TM9SF2: variants seen among roughly 807,000 people sequenced by gnomAD.
TM9SF2 encodes transmembrane 9 superfamily member 2.
TM9SF2 carries 13 observed loss-of-function variants against 84.9 expected under a neutral mutation model. That is an observed-to-expected ratio of 0.15 (90% CI 0.10 to 0.24). TM9SF2 has a LOEUF of 0.24. Ranked by LOEUF, TM9SF2 falls within the 10% of genes least tolerant of loss-of-function variation. TM9SF2 has a pLI of 1.00. For synonymous variants in TM9SF2, 273 were observed against 285.8 expected, an observed-to-expected ratio of 0.96 and a Z score of 0.45; for missense variants, 562 against 818.5, an observed-to-expected ratio of 0.69 and a Z score of 3.82.
At chr13:99,514,313 C>T (rs2046125279) in intron 1 of TM9SF2, 1 of 152,284 alleles carries the variant, frequency 6.6e-6, no homozygotes, top group Non-Finnish European at 1.5e-5. Flanking sequence ...AAGTTCTATT[C>T]ATGGTAAGTG....
At chr13:99,508,443 A>ACACACACACCC (rs1311954976) in intron 1 of TM9SF2, among the ~76,000 whole-genome samples, 2 of 147,448 alleles carry the variant, frequency 1.4e-5, no homozygotes, top group African/African-American at 5.0e-5. Context: ...ACACACACAC[A>ACACACACACCC]CCCCAGAGAT....
intron 14 of TM9SF2, among the ~76,000 whole-genome samples, chr13:99,555,269 C>T (rs2046320803): frequency 6.6e-6 from 1 of 152,122 alleles, no homozygotes; most frequent in Non-Finnish European, 1.5e-5. Flanking sequence ...TCTGGCTCAC[C>T]AGGAGACGAG....
At chr13:99,561,994 G>C (rs1422620320) in intron 16 of TM9SF2, among the ~76,000 whole-genome samples, 1 of 152,088 alleles carries the variant, frequency 6.6e-6, no homozygotes, top group Non-Finnish European at 1.5e-5. Context: ...TTGTTTTCAT[G>C]AATTATCTCA....
intron 4 of TM9SF2, among the ~76,000 whole-genome samples, chr13:99,535,477 A>G (rs1413290461): frequency 6.6e-6 from 1 of 152,178 alleles, no homozygotes; most frequent in Non-Finnish European, 1.5e-5. Context: ...AATCTGAATT[A>G]TTTATTCTAT....
Position 99,501,557 on chromosome 13 carries a change from T to G in TM9SF2, c.-50T>G, listed in dbSNP as rs2046065140. On this transcript the variant is annotated 5_prime_UTR_variant, in exon 1 of 17. Coordinates refer to ENST00000376387, the MANE Select transcript of TM9SF2 (RefSeq NM_004800.3). ...CGTCTCCGAGACTCCCCACCCCTCC[T>G]TCCCTCTTGACCCCCTAGGTTTGAT... is the stretch of plus-strand genomic sequence containing the variant. The G allele has an allele frequency of 6.5e-7, 1 of 1,548,004 alleles. No homozygotes were observed. The highest frequency in any genetic ancestry group is 8.8e-7 in the Non-Finnish European group (1 of 1,132,472).
At chr13:99,551,557 G>A (rs2046305621) in intron 12 of TM9SF2, among the ~76,000 whole-genome samples, 1 of 152,190 alleles carries the variant, frequency 6.6e-6, no homozygotes, top group South Asian at 2.1e-4. Context: ...AGGATAAAAG[G>A]GAAAGTGGTT....
intron 15 of TM9SF2, among the ~76,000 whole-genome samples, chr13:99,558,251 G>A (rs2046332036): frequency 6.6e-6 from 1 of 152,208 alleles, no homozygotes; most frequent in African/African-American, 2.4e-5. Flanking sequence ...AAATCAAAAA[G>A]GCTGAGTCCT....
At chr13:99,544,062 G>GT in intron 10 of TM9SF2, 67 bp downstream of exon 10, 1 of 1,575,772 alleles carries the variant, frequency 6.3e-7, no homozygotes, top group South Asian at 1.1e-5. Flanking sequence ...TTAAAAACCA[G>GT]TTTTTCTGGC....
chr13:99,520,330 C>T (rs2046153860), intron 3 of TM9SF2, among the ~76,000 whole-genome samples: 1 of 152,144 alleles, frequency 6.6e-6, no homozygotes, highest in South Asian at 2.1e-4. Flanking sequence ...TCTTAATGAA[C>T]ATTCACGCAA....
At chr13:99,559,308 AC>A (rs1369248884) in intron 15 of TM9SF2, 54 bp from the exon 16 acceptor site, 1 of 1,456,594 alleles carries the variant, frequency 6.9e-7, no homozygotes, top group African/African-American at 1.4e-5. Flanking sequence ...TTAGTAAGCT[AC>A]ATCTTATCTA....
intron 1 of TM9SF2, among the ~76,000 whole-genome samples, chr13:99,502,755 A>G (rs564350746): frequency 3.3e-5 from 5 of 152,354 alleles, no homozygotes; most frequent in East Asian, 1.9e-4. Flanking sequence ...AATGATTTCA[A>G]CAATTCAAAT....
At chr13:99,510,435 A>G (rs534187343) in intron 1 of TM9SF2, among the ~76,000 whole-genome samples, 1 of 152,304 alleles carries the variant, frequency 6.6e-6, no homozygotes, top group East Asian at 1.9e-4. Flanking sequence ...TGGGTAATTT[A>G]TAAAGAAAAG....
intron 2 of TM9SF2, 45 bp from the exon 3 acceptor site, chr13:99,519,991 C>A (rs1270571198): frequency 6.4e-7 from 1 of 1,570,012 alleles, no homozygotes; most frequent in Admixed American, 1.7e-5. Flanking sequence ...TTTGATATTT[C>A]ATCGTTCCCT....
At position 99,536,641 on chromosome 13, in the gene TM9SF2, C is replaced by T. The variant is rs141451986; in HGVS notation, c.495C>T (p.Tyr165=). Residue 165 remains tyrosine, a synonymous_variant, in exon 5 of 17, where the codon TAC becomes TAT. Transcript: ENST00000376387. The part of the protein sequence containing the change: ...IVDNMPVTWC[Y]DVEDGQRFCN... ...ATAATATGCCTGTAACGTGGTGTTA[C>T]GATGTTGAAGATGGTCAGAGGTTCT... The T allele has an allele frequency of 1.3e-4, 211 of 1,613,538 alleles. No individual in the cohort carries two copies. The highest frequency in any genetic ancestry group is 6.6e-4 in the Middle Eastern group (4 of 6,056).
chr13:99,556,348 T>C (rs1227783027), intron 15 of TM9SF2, among the ~76,000 whole-genome samples: 1 of 152,216 alleles, frequency 6.6e-6, no homozygotes, highest in Non-Finnish European at 1.5e-5. Context: ...TTCCAAAATA[T>C]TTTTATCACC....
At chr13:99,552,924 A>G (rs1253085041) in intron 13 of TM9SF2, among the ~76,000 whole-genome samples, 1 of 152,242 alleles carries the variant, frequency 6.6e-6, no homozygotes, top group Non-Finnish European at 1.5e-5. Context: ...AAGTAGCTGC[A>G]GAGTAAGAGT....
intron 1 of TM9SF2, among the ~76,000 whole-genome samples, chr13:99,508,445 C>CACACACACACACACACACA (rs1566562106): frequency 8.0e-5 from 8 of 99,678 alleles, no homozygotes; most frequent in African/African-American, 3.4e-4. Context: ...ACACACACAC[C>CACACACACACACACACACA]CCAGAGATTC....
At chr13:99,556,972 G>C (rs1444493750) in intron 15 of TM9SF2, among the ~76,000 whole-genome samples, 1 of 152,166 alleles carries the variant, frequency 6.6e-6, no homozygotes, top group Non-Finnish European at 1.5e-5. Context: ...CTTTTTGGCT[G>C]TTGTGAATAG....
chr13:99,501,724 G>C lies in TM9SF2; in HGVS notation c.118G>C (p.Gly40Arg). The change falls in exon 1 of 17, where the codon GGC becomes CGC. Residue 40 changes from glycine (G) to arginine (R), a missense_variant. Coordinates refer to ENST00000376387, the MANE Select transcript of TM9SF2 (RefSeq NM_004800.3). Reference protein sequence around the residue: ...PRRSGAFYLPGLAPVNFCDEE... With the variant: ...PRRSGAFYLPRLAPVNFCDEE... ...CCGGAGCGGCGCTTTCTACCTGCCCGGCCTGGCGCCCGTCAACTTCTGCGA... is the reference window on the plus strand; with the variant it reads ...CCGGAGCGGCGCTTTCTACCTGCCCCGCCTGGCGCCCGTCAACTTCTGCGA... The C allele has an allele frequency of 6.2e-7, 1 of 1,611,964 alleles. No homozygotes were observed. Among genetic ancestry groups the C allele is most frequent in the Non-Finnish European group, 8.5e-7 (1 of 1,179,560 alleles).
Sources: allele counts gnomAD v4.1 joint callset (sites outside exome capture counted in the v4.1 genomes callset), GRCh38; gene constraint gnomAD v4.1.1; transcripts MANE v1.5; gene names NCBI Gene and HGNC (gene_info 2026-07-23, HGNC 2026-07-21).